LRCH3: variants seen among roughly 807,000 people sequenced by gnomAD.
LRCH3 encodes the protein leucine rich repeats and calponin homology domain containing 3.
In LRCH3, 68 loss-of-function variants were observed where a neutral mutation model predicts 104.5. The observed-to-expected ratio is 0.65, with a 90% CI of 0.54 to 0.80. The LOEUF (loss-of-function observed/expected upper bound fraction) is 0.80, where lower values mean the gene tolerates loss of function less well. LRCH3 is among the 30% of genes least tolerant of loss of function. The pLI is 0.00. For missense variants in LRCH3, 951 were observed against 953.9 expected, an observed-to-expected ratio of 1.00 and a Z score of 0.04; for synonymous variants, 344 against 361.3, an observed-to-expected ratio of 0.95 and a Z score of 0.54.
At position 197,810,366 on chromosome 3, in the gene LRCH3, T is replaced by G. The variant is rs1315771910; in HGVS notation, c.263-4542T>G. On this transcript the variant is annotated intron_variant, in intron 1 of 20. Coordinates refer to ENST00000425562, the MANE Select transcript of LRCH3 (RefSeq NM_001365715.1). This position sits in a 1 kb window ranked among gnomAD's most constrained non-coding sequence, Gnocchi z 4.0. ...TGGGGTTTCACCATGTTGGCCAGGC[T>G]GGTCTCGAACTGCTGACCTTAGGTG... Among the ~76,000 whole-genome samples the G allele has an allele frequency of 6.6e-6, 1 of 152,148 alleles. No homozygotes were observed. Among genetic ancestry groups the G allele is most frequent in the Non-Finnish European group, 1.5e-5 (1 of 68,028 alleles).
intron 1 of LRCH3, among the ~76,000 whole-genome samples, chr3:197,800,967 C>T (rs375773357): frequency 3.3e-5 from 5 of 151,792 alleles, no homozygotes; most frequent in South Asian, 2.1e-4. Context: ...TGGTGGCGGG[C>T]GCCTGTAATT....
At chr3:197,880,085 A>G (rs1173681692) in intron 20 of LRCH3, among the ~76,000 whole-genome samples, 10 of 151,168 alleles carry the variant, frequency 6.6e-5, no homozygotes, top group African/African-American at 2.2e-4. Context: ...AGCTGGGACT[A>G]CAGGCGCCCG....
chr3:197,868,234 TAAAC>T (rs1019952086), intron 17 of LRCH3, among the ~76,000 whole-genome samples: 3 of 152,090 alleles, frequency 2.0e-5, no homozygotes, highest in South Asian at 2.1e-4. Flanking sequence ...ACAACGATAA[TAAAC>T]AATGCCACAA....
intron 20 of LRCH3, among the ~76,000 whole-genome samples, chr3:197,877,876 T>C (rs1713083716): frequency 6.6e-6 from 1 of 152,236 alleles, no homozygotes; most frequent in Admixed American, 6.5e-5. Context: ...TTTTCGTTTT[T>C]ATATTATGTT....
At position 197,870,141 on chromosome 3, in the gene LRCH3, C is replaced by T. The variant is rs1354775379; in HGVS notation, c.1874-19C>T. On this transcript the variant is annotated intron_variant, in intron 17 of 20. Transcript: ENST00000425562. Reference sequence around the variant, plus strand: ...CACTGCCAGTTGCCTTTCTGTCTTACATATTAATATTTTTATAGGTCATGC... The same window carrying T: ...CACTGCCAGTTGCCTTTCTGTCTTATATATTAATATTTTTATAGGTCATGC... 5 of 1,608,632 alleles carry T rather than the reference C, an allele frequency of 3.1e-6. No individual in the cohort carries two copies. The highest frequency in any genetic ancestry group is 1.3e-5 in the African/African-American group (1 of 74,678).
intron 1 of LRCH3, among the ~76,000 whole-genome samples, chr3:197,799,902 C>A (rs1580535514): frequency 6.6e-6 from 1 of 151,804 alleles, no homozygotes; most frequent in East Asian, 1.9e-4. Flanking sequence ...AAAGAACAGG[C>A]CGGGTGCAGT....
intron 9 of LRCH3, 140 bp downstream of exon 9, chr3:197,835,962 G>C (rs944554894): frequency 1.1e-6 from 1 of 912,204 alleles, no homozygotes; most frequent in South Asian, 2.2e-5. Context: ...TTTCAGTCCT[G>C]AGTTTTTCAG....
At position 197,854,663 on chromosome 3, in the gene LRCH3, T is replaced by C. The variant is rs1740030361; in HGVS notation, c.1644+218T>C. On this transcript the variant is annotated intron_variant, in intron 14 of 20. Coordinates refer to ENST00000425562, the MANE Select transcript of LRCH3 (RefSeq NM_001365715.1). This position sits in a 1 kb window ranked among gnomAD's most constrained non-coding sequence, Gnocchi z 4.5. ...TCAGTGCCACCGAAAGGAAAACATTTGCCTTGAGAACCATATTGGCTTTGT... is the reference window on the plus strand; with the variant it reads ...TCAGTGCCACCGAAAGGAAAACATTCGCCTTGAGAACCATATTGGCTTTGT... Among the ~76,000 whole-genome samples the C allele has an allele frequency of 1.3e-5, 2 of 152,232 alleles. No individual in the cohort carries two copies. Among genetic ancestry groups the C allele is most frequent in the African/African-American group, 4.8e-5 (2 of 41,458 alleles).
At chr3:197,838,888 G>A (rs1737346215) in intron 9 of LRCH3, among the ~76,000 whole-genome samples, 1 of 152,176 alleles carries the variant, frequency 6.6e-6, no homozygotes, top group African/African-American at 2.4e-5. Context: ...ATAAAGAAAT[G>A]TAACCTGCCC....
chr3:197,877,586 A>C (rs1466855984), intron 20 of LRCH3, among the ~76,000 whole-genome samples: 2 of 152,102 alleles, frequency 1.3e-5, no homozygotes, highest in Middle Eastern at 3.2e-3. Flanking sequence ...TACCCAGTTC[A>C]CCGCACCTCT....
chr3:197,878,012 C>T (rs1713103501), intron 20 of LRCH3, among the ~76,000 whole-genome samples: 1 of 152,170 alleles, frequency 6.6e-6, no homozygotes, highest in Non-Finnish European at 1.5e-5. Context: ...CATTAGCCTC[C>T]AGTTCTTCCC....
rs1428959150 is a variant in LRCH3 at position 197,884,400 on chromosome 3, ACCTGCCTCGG to A, written c.*738_*747del. On this transcript the variant is annotated 3_prime_UTR_variant, in exon 21 of 21. Transcript: ENST00000425562. The stretch of plus-strand genomic sequence containing the variant: ...TCAAACTCCTGACTTCAAGTGATCC[ACCTGCCTCGG>A]CCTCCCAAAATGCTGGGATTACAGG... 1 of 148,696 alleles carries A rather than the reference ACCTGCCTCGG, an allele frequency of 6.7e-6. No individual in the cohort carries two copies. The highest frequency in any genetic ancestry group is 1.5e-5 in the Non-Finnish European group (1 of 66,300). The allele number at this position is 148,696 out of a possible 1,614,324, so 9.2% of individuals were successfully genotyped here.
In LRCH3 at chr3:197,885,862, C is replaced by A. The variant is rs895448476; in HGVS notation, c.*2196C>A. 6.6e-5 allele frequency: 10 copies of A among 152,154 alleles called. No individual in the cohort carries two copies. Among genetic ancestry groups the A allele is most frequent in the African/African-American group, 2.4e-4 (10 of 41,440 alleles). 9.4% of individuals were successfully genotyped at this position (152,154 alleles called of 1,614,324 possible). A position where few individuals can be genotyped will look rare whatever the true frequency, so the allele number is the denominator to read the frequency against. Reference sequence around the variant, plus strand: ...TTTGTTTCTGTAGTTGTTAACTGTTCTGGATTTTCTTTACAATGCATCCAT... The same window carrying A: ...TTTGTTTCTGTAGTTGTTAACTGTTATGGATTTTCTTTACAATGCATCCAT... On this transcript the variant is annotated 3_prime_UTR_variant, in exon 21 of 21. Coordinates refer to ENST00000425562, the MANE Select transcript of LRCH3 (RefSeq NM_001365715.1).
intron 19 of LRCH3, among the ~76,000 whole-genome samples, chr3:197,873,636 G>T (rs1324285718): frequency 6.6e-6 from 1 of 152,140 alleles, no homozygotes; most frequent in Non-Finnish European, 1.5e-5. Flanking sequence ...GTGGCGGGAG[G>T]ATCACTTGGG....
intron 1 of LRCH3, among the ~76,000 whole-genome samples, chr3:197,795,579 T>A (rs1731095967): frequency 6.6e-6 from 1 of 152,012 alleles, no homozygotes; most frequent in Non-Finnish European, 1.5e-5. Context: ...GCAGTGTTTG[T>A]ACCTTTGGGT....
rs112287064 is a variant in LRCH3 at position 197,872,622 on chromosome 3, C to T, written c.2130+1160C>T. Among the ~76,000 whole-genome samples, 925 of 152,206 alleles carry T rather than the reference C, an allele frequency of 6.1e-3. 9 individuals carry two copies. Among genetic ancestry groups the T allele is most frequent in the African/African-American group, 0.021 (853 of 41,510 alleles). ...CTATAATCCCAGCGTTTTGGGAGCCCGAGGCTGGTGGATCACCTGAGGTCA... is the reference window on the plus strand; with the variant it reads ...CTATAATCCCAGCGTTTTGGGAGCCTGAGGCTGGTGGATCACCTGAGGTCA... On this transcript the variant is annotated intron_variant, in intron 19 of 20. Transcript: ENST00000425562.
At chr3:197,869,954 C>CAGGAGGTAGAAAGCGATGCACTGTACCT (rs1711925780) in intron 17 of LRCH3, among the ~76,000 whole-genome samples, 1 of 101,812 alleles carries the variant, frequency 9.8e-6, no homozygotes. Context: ...GCACTGTACC[C>CAGGAGGTAGAAAGCGATGCACTGTACCT]GCAGGAGGTA....
intron 1 of LRCH3, among the ~76,000 whole-genome samples, chr3:197,800,107 T>C (rs1307220851): frequency 6.6e-6 from 1 of 151,914 alleles, no homozygotes; most frequent in Non-Finnish European, 1.5e-5. Flanking sequence ...GAGAATTGCT[T>C]GAACCCCGGT....
intron 1 of LRCH3, among the ~76,000 whole-genome samples, chr3:197,799,384 G>A (rs1190198463): frequency 1.3e-5 from 2 of 152,208 alleles, no homozygotes; most frequent in African/African-American, 4.8e-5. Context: ...AATATCAAAT[G>A]CAGTGTGACT....
Sources: allele counts gnomAD v4.1 joint callset (sites outside exome capture counted in the v4.1 genomes callset), GRCh38; gene constraint gnomAD v4.1.1; non-coding constraint Gnocchi (gnomAD v3.1); transcripts MANE v1.5; gene names NCBI Gene and HGNC (gene_info 2026-07-23, HGNC 2026-07-21).